Variants in ROBO1 observed in about 807,000 individuals in gnomAD.
The protein encoded by ROBO1 is roundabout guidance receptor 1.
Under a neutral mutation model 195.9 loss-of-function variants are expected in ROBO1, and 149 were observed. The observed-to-expected ratio is 0.76, with a 90% confidence interval of 0.67 to 0.87. The LOEUF (loss-of-function observed/expected upper bound fraction) is 0.87. Ranked by LOEUF, ROBO1 falls within the 40% of genes least tolerant of loss-of-function variation. The probability of loss-of-function intolerance (pLI) is 0.00; values close to 1 mark genes in which losing one functional copy is unlikely to be tolerated. For missense variants in ROBO1, 1,933 were observed against 2,068.3 expected (o/e 0.93, Z 1.27); for synonymous variants, 816 against 733.2 (o/e 1.11, Z -1.82).
chr3:79,185,514 A>C (rs980395116), intron 2 of ROBO1, among the ~76,000 whole-genome samples: 4 of 152,122 alleles, frequency 2.6e-5, no homozygotes, highest in Non-Finnish European at 4.4e-5. Flanking sequence ...AACTTTATTC[A>C]TCATATTTTG....
At chr3:78,677,330 C>A (rs898850311) in intron 10 of ROBO1, among the ~76,000 whole-genome samples, 5 of 152,120 alleles carry the variant, frequency 3.3e-5, no homozygotes, top group East Asian at 1.9e-4. Context: ...ACAATATTAA[C>A]TTTAAATGTA....
At chr3:79,730,184 G>A (rs914065371) in intron 1 of ROBO1, among the ~76,000 whole-genome samples, 1 of 152,040 alleles carries the variant, frequency 6.6e-6, no homozygotes, top group Non-Finnish European at 1.5e-5. Context: ...CTGTAACCCA[G>A]GAAATGCTAT....
At chr3:79,441,987 G>C (rs1440051197) in intron 2 of ROBO1, among the ~76,000 whole-genome samples, 1 of 151,966 alleles carries the variant, frequency 6.6e-6, no homozygotes, top group African/African-American at 2.4e-5. Context: ...TGTGACTAGA[G>C]AGGTTGACTT....
chr3:79,059,400 G>A (rs1238593406), intron 3 of ROBO1, among the ~76,000 whole-genome samples: 1 of 151,974 alleles, frequency 6.6e-6, no homozygotes, highest in Admixed American at 6.6e-5. Flanking sequence ...ATGCTTCTCT[G>A]TTTAATCGGC....
At chr3:79,040,719 T>G (rs557835257) in intron 3 of ROBO1, among the ~76,000 whole-genome samples, 1 of 152,340 alleles carries the variant, frequency 6.6e-6, no homozygotes, top group South Asian at 2.1e-4. Context: ...AAAACTACAC[T>G]AGAACTTAGT....
intron 2 of ROBO1, among the ~76,000 whole-genome samples, chr3:79,506,150 T>C (rs1940382128): frequency 6.6e-6 from 1 of 151,898 alleles, no homozygotes; most frequent in Non-Finnish European, 1.5e-5. Flanking sequence ...ATTAATTATT[T>C]TTAATATGGC....
At chr3:79,473,308 A>C (rs1938381631) in intron 2 of ROBO1, among the ~76,000 whole-genome samples, 1 of 152,124 alleles carries the variant, frequency 6.6e-6, no homozygotes, top group African/African-American at 2.4e-5. Flanking sequence ...AAGGGTTGCC[A>C]GCAGCCACTG....
intron 22 of ROBO1, among the ~76,000 whole-genome samples, chr3:78,638,560 G>T (rs190963648): frequency 3.3e-5 from 5 of 152,114 alleles, no homozygotes; most frequent in Non-Finnish European, 7.4e-5. Context: ...TATGATTAAA[G>T]ATTATTTAAT....
intron 4 of ROBO1, among the ~76,000 whole-genome samples, chr3:78,846,863 G>A (rs1282821886): frequency 6.6e-6 from 1 of 152,126 alleles, no homozygotes; most frequent in African/African-American, 2.4e-5. Flanking sequence ...ACGTTGCTTT[G>A]AAACTGGTTT....
chr3:79,615,062 A>G (rs1944777456), intron 1 of ROBO1, among the ~76,000 whole-genome samples: 1 of 152,144 alleles, frequency 6.6e-6, no homozygotes, highest in Non-Finnish European at 1.5e-5. Flanking sequence ...AGTATAGGCC[A>G]TAATGGGAAC....
intron 3 of ROBO1, among the ~76,000 whole-genome samples, chr3:78,994,931 T>A: frequency 2.6e-5 from 4 of 152,078 alleles, no homozygotes; most frequent in Non-Finnish European, 5.9e-5. Context: ...CATCGTGTGT[T>A]TATACATACC....
chr3:79,111,833 A>G (rs1041518043), intron 3 of ROBO1, among the ~76,000 whole-genome samples: 4 of 152,190 alleles, frequency 2.6e-5, no homozygotes, highest in Non-Finnish European at 5.9e-5. Context: ...ATTGACTAAT[A>G]AAACTTAGAC....
At chr3:78,855,781 AT>A (rs2034377831) in intron 4 of ROBO1, among the ~76,000 whole-genome samples, 2 of 152,140 alleles carry the variant, frequency 1.3e-5, no homozygotes, top group African/African-American at 2.4e-5. Context: ...AGAAAAAAAA[AT>A]TGCTTTAAAA....
chr3:79,239,916 A>T (rs1258655197), intron 2 of ROBO1, among the ~76,000 whole-genome samples: 1 of 152,112 alleles, frequency 6.6e-6, no homozygotes, highest in African/African-American at 2.4e-5. Flanking sequence ...AAACTTGTAT[A>T]TATTTATGGT....
chr3:79,649,423 T>G (rs971738255), intron 1 of ROBO1, among the ~76,000 whole-genome samples: 7 of 151,972 alleles, frequency 4.6e-5, no homozygotes, highest in Admixed American at 2.0e-4. Context: ...GACTTCCCAT[T>G]TATAGACTAC....
chr3:79,357,817 G>T (rs183172545), intron 2 of ROBO1, among the ~76,000 whole-genome samples: 42 of 152,174 alleles, frequency 2.8e-4, no homozygotes, highest in Admixed American at 2.1e-3. Context: ...TGGAGCCAGA[G>T]GTATTTCCGT....
At chr3:79,451,091 T>C (rs1357046435) in intron 2 of ROBO1, among the ~76,000 whole-genome samples, 1 of 152,092 alleles carries the variant, frequency 6.6e-6, no homozygotes, top group Non-Finnish European at 1.5e-5. Flanking sequence ...ACACTTTATA[T>C]GACATATTTT....
chr3:78,693,668 C>T (rs999389670), intron 8 of ROBO1, among the ~76,000 whole-genome samples: 22 of 151,988 alleles, frequency 1.4e-4, no homozygotes, highest in Non-Finnish European at 2.2e-4. Flanking sequence ...TGCTACCAGA[C>T]AACAGGTTAG....
At position 79,232,247 on chromosome 3, in the gene ROBO1, T is replaced by TA. The variant is rs71649197; in HGVS notation, c.89-106709dup. 1.0e-3 allele frequency among the ~76,000 whole-genome samples: 140 copies of TA among 133,692 alleles called. No homozygotes were observed. The Middle Eastern group carries it at 0.012, about 11-fold the overall frequency. 87.7% of individuals were successfully genotyped at this position (133,692 alleles called of 152,430 possible). A position where few individuals can be genotyped will look rare whatever the true frequency, so the allele number is the denominator to read the frequency against. On this transcript the variant is annotated intron_variant, in intron 2 of 30. Coordinates refer to ENST00000464233, the MANE Select transcript of ROBO1 (RefSeq NM_002941.4). ...GGAAATTAAGACATCCTCCTTGATT[T>TA]AAAAAAAAAAAAAATATATATATAT... is the stretch of plus-strand genomic sequence containing the variant.
Sources: gnomAD v4.1 joint callset for allele counts (sites outside exome capture counted in the v4.1 genomes callset) on GRCh38, gnomAD v4.1.1 for gene constraint, MANE v1.5 for transcripts, NCBI Gene and HGNC (gene_info 2026-07-23, HGNC 2026-07-21) for gene names.